RBFOX1: variants seen among roughly 807,000 people sequenced by gnomAD.
The protein encoded by RBFOX1 is RNA binding fox-1 homolog 1, also known as RNA binding protein fox-1 homolog 1.
RBFOX1 carries 8 observed loss-of-function variants against 57.7 expected under a neutral mutation model. The observed-to-expected ratio is 0.14, with a 90% CI of 0.08 to 0.25. RBFOX1 has a LOEUF of 0.25. RBFOX1 is among the 10% of genes least tolerant of loss of function. The pLI is 1.00. For synonymous variants in RBFOX1, 326 were observed against 222.4 expected (o/e 1.47, Z -4.15); for missense variants, 611 against 548.5 (o/e 1.11, Z -1.14).
chr16:6,416,736 C>A (rs145341312), intron 2 of RBFOX1, among the ~76,000 whole-genome samples: 1,808 of 152,252 alleles, frequency 0.012, 21 homozygotes, highest in Middle Eastern at 0.031. Context: ...GCCTGTACCT[C>A]CTTGTCCAGC....
intron 3 of RBFOX1, among the ~76,000 whole-genome samples, chr16:6,953,992 C>T (rs1051299261): frequency 5.3e-5 from 8 of 152,136 alleles, no homozygotes; most frequent in African/African-American, 1.9e-4. Context: ...CCCGATAGGT[C>T]TTACGCACAT....
chr16:7,644,319 A>G (rs2063352300), intron 11 of RBFOX1, among the ~76,000 whole-genome samples: 1 of 152,198 alleles, frequency 6.6e-6, no homozygotes, highest in Non-Finnish European at 1.5e-5. Context: ...AGCAAGTGCT[A>G]GTAAATCCTA....
At chr16:5,598,802 G>C in intron 2 of RBFOX1, 1 of 879,924 alleles carries the variant, frequency 1.1e-6, no homozygotes, top group Non-Finnish European at 1.7e-6. Context: ...AACGTGGTGA[G>C]ACATTCTGGG....
intron 3 of RBFOX1, among the ~76,000 whole-genome samples, chr16:6,858,104 A>C (rs2058240875): frequency 6.6e-6 from 1 of 152,192 alleles, no homozygotes; most frequent in African/African-American, 2.4e-5. Context: ...TAGAAATTGG[A>C]GTTATTAAAT....
chr16:5,343,556 C>T lies in RBFOX1; in HGVS notation c.219+103451C>T, dbSNP rs141857416. On this transcript the variant is annotated intron_variant, in intron 1 of 2. Coordinates refer to the RBFOX1 transcript ENST00000585867. Reference sequence around the variant, plus strand: ...CAGGATGGTCTTGATATCCTGTCCTCGTGATCTACCTGCCTTGGCCTCCCA... The same window carrying T: ...CAGGATGGTCTTGATATCCTGTCCTTGTGATCTACCTGCCTTGGCCTCCCA... 4.8e-3 allele frequency among the ~76,000 whole-genome samples: 735 copies of T among 151,908 alleles called. 9 individuals are homozygous for T. Among genetic ancestry groups the T allele is most frequent in the African/African-American group, 0.017 (699 of 41,418 alleles).
At chr16:6,525,072 A>T (rs1440706524) in intron 2 of RBFOX1, among the ~76,000 whole-genome samples, 1 of 152,296 alleles carries the variant, frequency 6.6e-6, no homozygotes, top group African/African-American at 2.4e-5. Flanking sequence ...TGTACAGGAC[A>T]TTCCCTCCCT....
At chr16:5,602,400 C>T (rs1416701593), downstream of RBFOX1, among the ~76,000 whole-genome samples, 3 of 152,138 alleles carry the variant, frequency 2.0e-5, 1 homozygote, top group South Asian at 6.2e-4. Flanking sequence ...AAAAGATGTA[C>T]CCTCAATATC....
chr16:7,019,054 G>C (rs551832718), intron 3 of RBFOX1, among the ~76,000 whole-genome samples: 28 of 152,116 alleles, frequency 1.8e-4, no homozygotes, highest in African/African-American at 6.5e-4. Flanking sequence ...TGGTTTCCTA[G>C]TTTTTAGAAG....
intron 1 of RBFOX1, among the ~76,000 whole-genome samples, chr16:5,243,471 A>G (rs1371755728): frequency 1.3e-5 from 2 of 152,102 alleles, no homozygotes; most frequent in Non-Finnish European, 2.9e-5. Flanking sequence ...TGGCACCGTC[A>G]CAACACTTGG....
At chr16:5,515,512 C>G (rs1462050560) in intron 2 of RBFOX1, among the ~76,000 whole-genome samples, 1 of 152,190 alleles carries the variant, frequency 6.6e-6, no homozygotes, top group African/African-American at 2.4e-5. Flanking sequence ...GCACTAAAAT[C>G]AAATCAACAG....
At chr16:5,813,826 C>T (rs1360915884) in intron 3 of RBFOX1, among the ~76,000 whole-genome samples, 3 of 152,198 alleles carry the variant, frequency 2.0e-5, no homozygotes, top group Non-Finnish European at 4.4e-5. Context: ...GTGATTTATT[C>T]TGACTGTGAA....
intron 3 of RBFOX1, among the ~76,000 whole-genome samples, chr16:6,681,256 T>G (rs555767253): frequency 5.3e-5 from 8 of 152,232 alleles, no homozygotes; most frequent in Admixed American, 5.2e-4. Flanking sequence ...AGGCAGAAGT[T>G]GCAGTGAGCC....
At chr16:6,795,101 G>A (rs989610943) in intron 3 of RBFOX1, among the ~76,000 whole-genome samples, 6 of 151,968 alleles carry the variant, frequency 3.9e-5, no homozygotes, top group African/African-American at 1.5e-4. Flanking sequence ...TCCATTTCTG[G>A]GTATATTTTA....
chr16:6,163,258 C>T (rs769880532), intron 1 of RBFOX1, among the ~76,000 whole-genome samples: 2 of 152,116 alleles, frequency 1.3e-5, no homozygotes, highest in African/African-American at 4.8e-5. Context: ...GTGTTTCATA[C>T]GTTACTTTTG....
intron 3 of RBFOX1, among the ~76,000 whole-genome samples, chr16:6,877,075 C>T (rs2061981071): frequency 6.6e-6 from 1 of 152,128 alleles, no homozygotes; most frequent in African/African-American, 2.4e-5. Context: ...TCATAACTGG[C>T]CATTTACTGG....
intron 4 of RBFOX1, among the ~76,000 whole-genome samples, chr16:7,232,973 C>G (rs750872678): frequency 1.3e-5 from 2 of 152,090 alleles, no homozygotes; most frequent in East Asian, 1.9e-4. Context: ...TTCTTTCCCT[C>G]TCCACACCGG....
intron 3 of RBFOX1, among the ~76,000 whole-genome samples, chr16:6,897,357 C>G (rs950770226): frequency 6.6e-6 from 1 of 152,116 alleles, no homozygotes; most frequent in Admixed American, 6.5e-5. Context: ...GAGCCGAGGT[C>G]GTGCCATTGC....
At chr16:7,654,042 C>G in intron 12 of RBFOX1, 95 bp downstream of exon 12, 1 of 1,307,698 alleles carries the variant, frequency 7.6e-7, no homozygotes, top group Non-Finnish European at 1.0e-6. Flanking sequence ...GTCTTGACTC[C>G]CCCTCCGCCA....
intron 3 of RBFOX1, among the ~76,000 whole-genome samples, chr16:5,768,043 C>G (rs917955497): frequency 2.6e-5 from 4 of 152,120 alleles, no homozygotes; most frequent in African/African-American, 7.2e-5. Flanking sequence ...TGCAATTATC[C>G]AAAAATAACC....
Sources: allele counts gnomAD v4.1 joint callset (sites outside exome capture counted in the v4.1 genomes callset), GRCh38; gene constraint gnomAD v4.1.1; transcripts MANE v1.5; gene names NCBI Gene and HGNC (gene_info 2026-07-23, HGNC 2026-07-21).